The following CEP112 variants were observed in gnomAD, a reference collection of about 807,000 sequenced individuals.
The protein encoded by CEP112 is centrosomal protein of 112 kDa.
Under a neutral mutation model 153.0 loss-of-function variants are expected in CEP112, and 127 were observed. That is an observed-to-expected ratio of 0.83 (90% CI 0.72 to 0.96). CEP112 has a LOEUF of 0.96. CEP112 is among the 40% of genes least tolerant of loss of function. The probability of loss-of-function intolerance (pLI) is 0.00; values close to 1 mark genes in which losing one functional copy is unlikely to be tolerated. For synonymous variants in CEP112, 358 were observed against 374.4 expected (o/e 0.96, Z 0.51); for missense variants, 1,089 against 1,101.2 (o/e 0.99, Z 0.16).
intron 21 of CEP112, among the ~76,000 whole-genome samples, chr17:65,799,117 T>C (rs374169279): frequency 8.5e-5 from 13 of 152,298 alleles, no homozygotes; most frequent in African/African-American, 2.4e-4. Context: ...TAGTATTTAA[T>C]TCTCTAGTGT....
intron 18 of CEP112, among the ~76,000 whole-genome samples, chr17:65,958,336 G>A (rs530547266): frequency 1.3e-5 from 2 of 152,166 alleles, no homozygotes; most frequent in East Asian, 3.9e-4. Flanking sequence ...TTTTTTTACT[G>A]CATGCATATT....
chr17:65,860,737 GT>G (rs1200605058), intron 20 of CEP112, among the ~76,000 whole-genome samples: 1 of 152,114 alleles, frequency 6.6e-6, no homozygotes, highest in African/African-American at 2.4e-5. Context: ...ACAAAAATAA[GT>G]TATTTCCATT....
In CEP112 at chr17:66,053,794, T is replaced by C. The variant is rs781683706; in HGVS notation, c.1160A>G (p.Asp387Gly). ...CATTTTATTCAGACGCACATTTGTATCCTCAAGCAATTCTTGAATGTTTTC... is the reference window on the plus strand; with the variant it reads ...CATTTTATTCAGACGCACATTTGTACCCTCAAGCAATTCTTGAATGTTTTC... Reference protein sequence around the residue: ...HTENIQELLEDTNVRLNKMES... With the variant: ...HTENIQELLEGTNVRLNKMES... The change falls in exon 12 of 27, where the codon GAT becomes GGT. Residue 387 changes from aspartate (D) to glycine (G), a missense_variant. Physicochemically the swap from Asp to Gly is moderately conservative, Grantham distance 94. Transcript: ENST00000535342. 5 of 1,613,636 alleles carry C rather than the reference T, an allele frequency of 3.1e-6. No individual in the cohort carries two copies. The highest frequency in any genetic ancestry group is 1.7e-5 in the Admixed American group (1 of 59,992).
chr17:65,956,015 C>G (rs1472501311), intron 18 of CEP112, among the ~76,000 whole-genome samples: 1 of 152,138 alleles, frequency 6.6e-6, no homozygotes, highest in Non-Finnish European at 1.5e-5. Flanking sequence ...CAGATATTTA[C>G]AGAACATTCT....
At chr17:66,173,132 A>C (rs1444621651) in intron 4 of CEP112, among the ~76,000 whole-genome samples, 1 of 152,230 alleles carries the variant, frequency 6.6e-6, no homozygotes, top group Non-Finnish European at 1.5e-5. Context: ...AAAAATAGAA[A>C]AACAAATACT....
At chr17:66,048,195 A>G (rs962434031) in intron 12 of CEP112, among the ~76,000 whole-genome samples, 2 of 152,136 alleles carry the variant, frequency 1.3e-5, no homozygotes, top group African/African-American at 2.4e-5. Context: ...TATTTGTAAA[A>G]GGAAAGGGCC....
intron 8 of CEP112, among the ~76,000 whole-genome samples, chr17:66,094,704 A>G (rs934371591): frequency 1.3e-5 from 2 of 152,142 alleles, no homozygotes; most frequent in Non-Finnish European, 2.9e-5. Flanking sequence ...TCAACAGAGT[A>G]AAAAGACAGC....
At chr17:65,773,172 T>TACAG (rs1245976187) in intron 21 of CEP112, among the ~76,000 whole-genome samples, 1 of 152,152 alleles carries the variant, frequency 6.6e-6, no homozygotes, top group South Asian at 2.1e-4. Flanking sequence ...CGTGCAAAGG[T>TACAG]ACAGACGCTT....
At chr17:65,973,716 A>G (rs146573771) in intron 17 of CEP112, among the ~76,000 whole-genome samples, 1 of 152,274 alleles carries the variant, frequency 6.6e-6, no homozygotes, top group African/African-American at 2.4e-5. Context: ...GGTTGCCTGG[A>G]TATGGGGAGG....
At chr17:65,886,277 T>C (rs1421443567) in intron 20 of CEP112, among the ~76,000 whole-genome samples, 2 of 152,186 alleles carry the variant, frequency 1.3e-5, no homozygotes, top group Admixed American at 1.3e-4. Flanking sequence ...GGCTGACAGA[T>C]GTCAGAGCCT....
intron 20 of CEP112, among the ~76,000 whole-genome samples, chr17:65,877,266 G>T (rs74004949): frequency 2.0e-3 from 299 of 152,338 alleles, no homozygotes; most frequent in African/African-American, 6.9e-3. Flanking sequence ...GGCAGGAAGT[G>T]CAGGGCCATG....
chr17:66,014,060 G>A (rs1335162272), intron 16 of CEP112, among the ~76,000 whole-genome samples: 1 of 152,232 alleles, frequency 6.6e-6, no homozygotes, highest in Non-Finnish European at 1.5e-5. Flanking sequence ...TGGCAGCAAT[G>A]GCGCAGTGGG....
At chr17:66,073,686 C>T (rs187692205) in intron 8 of CEP112, among the ~76,000 whole-genome samples, 80 of 152,260 alleles carry the variant, frequency 5.3e-4, no homozygotes, top group Non-Finnish European at 9.4e-4. Flanking sequence ...AAGCAAGCCT[C>T]AGAAAGATAG....
intron 20 of CEP112, among the ~76,000 whole-genome samples, chr17:65,887,074 G>A (rs2059305221): frequency 6.6e-6 from 1 of 152,058 alleles, no homozygotes; most frequent in East Asian, 1.9e-4. Flanking sequence ...TTAACCACAA[G>A]TCTCTAGTGA....
At chr17:65,840,499 TG>T (rs1462564869) in intron 21 of CEP112, among the ~76,000 whole-genome samples, 1 of 152,160 alleles carries the variant, frequency 6.6e-6, no homozygotes, top group East Asian at 1.9e-4. Context: ...ATACAAAAAT[TG>T]AATCAACATG....
intron 24 of CEP112, among the ~76,000 whole-genome samples, chr17:65,661,109 C>A (rs550316119): frequency 1.3e-5 from 2 of 152,252 alleles, no homozygotes; most frequent in Non-Finnish European, 2.9e-5. Flanking sequence ...AATGACTTGG[C>A]ATTTTCCCCA....
intron 17 of CEP112, among the ~76,000 whole-genome samples, chr17:65,971,607 CATATT>C (rs2062827633): frequency 7.5e-6 from 1 of 134,216 alleles, no homozygotes; most frequent in Non-Finnish European, 1.6e-5. Flanking sequence ...ATATTGTGTG[CATATT>C]ATATGTATAT....
chr17:66,085,917 C>T (rs1375038148), intron 8 of CEP112, among the ~76,000 whole-genome samples: 3 of 130,412 alleles, frequency 2.3e-5, no homozygotes, highest in Middle Eastern at 5.0e-3. Context: ...GTGGAGGTTG[C>T]GGTGAGCTGA....
At chr17:66,147,982 T>C (rs2070995318) in intron 4 of CEP112, among the ~76,000 whole-genome samples, 1 of 152,214 alleles carries the variant, frequency 6.6e-6, no homozygotes, top group Non-Finnish European at 1.5e-5. Flanking sequence ...TTTTAGCTAC[T>C]CAATGTCCCA....
Sources: allele counts gnomAD v4.1 joint callset (sites outside exome capture counted in the v4.1 genomes callset), GRCh38; gene constraint gnomAD v4.1.1; transcripts MANE v1.5; gene names NCBI Gene and HGNC (gene_info 2026-07-23, HGNC 2026-07-21).